Variants in EXOC2 observed in about 807,000 individuals in gnomAD.
EXOC2 encodes the protein SEC5-like 1.
In EXOC2, 70 loss-of-function variants were observed where a neutral mutation model predicts 131.8. That is an observed-to-expected ratio of 0.53 (90% confidence interval 0.44 to 0.65). EXOC2 has a LOEUF of 0.65. Ranked by LOEUF, EXOC2 falls within the 30% of genes least tolerant of loss-of-function variation. The probability of loss-of-function intolerance (pLI) is 0.00; values close to 1 mark genes in which losing one functional copy is unlikely to be tolerated. For missense variants in EXOC2, 923 were observed against 1,108.6 expected (o/e 0.83, Z 2.38); for synonymous variants, 411 against 398.4 (o/e 1.03, Z -0.38).
intron 1 of EXOC2, among the ~76,000 whole-genome samples, chr6:675,595 C>T (rs575305287): frequency 1.4e-4 from 3 of 21,552 alleles, no homozygotes; most frequent in Admixed American, 1.4e-3. Flanking sequence ...CCTCCTCTGG[C>T]AACTGCGGTT....
chr6:656,166 A>G (rs1207234849), intron 1 of EXOC2: 4 of 1,614,144 alleles, frequency 2.5e-6, no homozygotes, highest in Non-Finnish European at 3.4e-6. Context: ...AACAAGCTGA[A>G]GAAGAGTATT....
chr6:535,237 G>A (rs2493038), intron 22 of EXOC2, among the ~76,000 whole-genome samples: 145,426 of 152,232 alleles, frequency 0.96, 69,534 homozygotes, highest in East Asian at 1. Flanking sequence ...ATGGTGGTGC[G>A]CATCTGTGGT....
chr6:585,010 C>T (rs780181457), intron 11 of EXOC2, among the ~76,000 whole-genome samples: 5 of 152,290 alleles, frequency 3.3e-5, no homozygotes, highest in South Asian at 2.1e-4. Flanking sequence ...CCTCTGAAGA[C>T]GCAGTCTAAT....
chr6:660,025 G>A (rs904601597), intron 1 of EXOC2, among the ~76,000 whole-genome samples: 1 of 151,956 alleles, frequency 6.6e-6, no homozygotes, highest in East Asian at 1.9e-4. Context: ...CACGGTGGTT[G>A]TGAGACTGGC....
chr6:587,418 G>C (rs1031894095), intron 11 of EXOC2, among the ~76,000 whole-genome samples: 3 of 152,096 alleles, frequency 2.0e-5, no homozygotes, highest in East Asian at 3.9e-4. Flanking sequence ...CTAATTTTTT[G>C]TATTTTTAGT....
intron 1 of EXOC2, among the ~76,000 whole-genome samples, chr6:666,135 A>G (rs1300268448): frequency 6.6e-6 from 1 of 150,530 alleles, no homozygotes; most frequent in Admixed American, 6.6e-5. Context: ...GCCCTTCACA[A>G]AAAGAGTGTG....
chr6:570,759 A>C (rs1758234222), intron 13 of EXOC2, among the ~76,000 whole-genome samples: 1 of 152,226 alleles, frequency 6.6e-6, no homozygotes, highest in Non-Finnish European at 1.5e-5. Flanking sequence ...AGTGATAGAC[A>C]CTGGATGTTT....
chr6:535,014 G>T (rs1319216306), intron 22 of EXOC2, among the ~76,000 whole-genome samples: 2 of 152,108 alleles, frequency 1.3e-5, no homozygotes, highest in African/African-American at 4.8e-5. Context: ...AGCTGAAAAT[G>T]TTTTAAAAGA....
intron 25 of EXOC2, among the ~76,000 whole-genome samples, chr6:496,805 G>A (rs868008082): frequency 2.8e-4 from 42 of 152,186 alleles, no homozygotes; most frequent in African/African-American, 9.7e-4. Context: ...ATGGCTGGAC[G>A]AAGGGCACTG....
chr6:502,319 G>A (rs1415385190), intron 23 of EXOC2, among the ~76,000 whole-genome samples: 1 of 152,192 alleles, frequency 6.6e-6, no homozygotes, highest in Non-Finnish European at 1.5e-5. Context: ...GTGCTACGGT[G>A]CAAGGATGAC....
chr6:518,615 G>T (rs1262010552), intron 23 of EXOC2, among the ~76,000 whole-genome samples: 1 of 152,100 alleles, frequency 6.6e-6, no homozygotes, highest in Non-Finnish European at 1.5e-5. Flanking sequence ...AAAAATGCTT[G>T]GCAGACAAAG....
At chr6:524,861 T>A (rs1765656996) in intron 23 of EXOC2, 1 of 144,038 alleles carries the variant, frequency 6.9e-6, no homozygotes, top group African/African-American at 2.6e-5. Flanking sequence ...TTCTTTTTAT[T>A]CCTTCCTTTA....
chr6:594,769 A>C lies in EXOC2; in HGVS notation c.1074-2182T>G, dbSNP rs185375523. ...ATAAAGTTGTTCTTTTAGAAATTCTAGACTCAGTTCAAAAGCATGACAACT... is the reference window on the plus strand; with the variant it reads ...ATAAAGTTGTTCTTTTAGAAATTCTCGACTCAGTTCAAAAGCATGACAACT... On this transcript the variant is annotated intron_variant, in intron 10 of 27. Coordinates refer to ENST00000230449, the MANE Select transcript of EXOC2 (RefSeq NM_018303.6). Among the ~76,000 whole-genome samples, 55 of 152,364 alleles carry C rather than the reference A, an allele frequency of 3.6e-4. No homozygotes were observed. The East Asian group carries it at 8.7e-3, about 24-fold the overall frequency.
chr6:561,296 T>C (rs1278914981), intron 17 of EXOC2, among the ~76,000 whole-genome samples: 2 of 152,130 alleles, frequency 1.3e-5, no homozygotes, highest in African/African-American at 4.8e-5. Context: ...CCTCTGTGAA[T>C]TCCACCAATG....
chr6:672,074 T>G (rs1485210259), intron 1 of EXOC2, among the ~76,000 whole-genome samples: 2 of 152,176 alleles, frequency 1.3e-5, no homozygotes, highest in African/African-American at 2.4e-5. Flanking sequence ...ATACATACAT[T>G]ATACTTTGTG....
intron 1 of EXOC2, among the ~76,000 whole-genome samples, chr6:675,226 C>T (rs910963877): frequency 5.9e-5 from 9 of 152,186 alleles, no homozygotes; most frequent in African/African-American, 2.2e-4. Context: ...CCTTTCTGAG[C>T]CACTGTGACT....
At chr6:514,977 G>A (rs1765062911) in intron 23 of EXOC2, among the ~76,000 whole-genome samples, 8 of 152,220 alleles carry the variant, frequency 5.3e-5, no homozygotes, top group Admixed American at 5.2e-4. Context: ...AGGCACTGGT[G>A]GCTTCGCTCT....
intron 4 of EXOC2, among the ~76,000 whole-genome samples, chr6:620,701 C>T (rs532936827): frequency 1.3e-5 from 2 of 152,302 alleles, no homozygotes; most frequent in South Asian, 4.1e-4. Flanking sequence ...CAGCTTAGTT[C>T]GTGATCCACA....
intron 11 of EXOC2, among the ~76,000 whole-genome samples, chr6:583,243 T>C (rs755862841): frequency 6.6e-6 from 1 of 152,206 alleles, no homozygotes; most frequent in Non-Finnish European, 1.5e-5. Context: ...AAGTTAGCAT[T>C]CAATGTGTGT....
Sources: allele counts gnomAD v4.1 joint callset (sites outside exome capture counted in the v4.1 genomes callset), GRCh38; gene constraint gnomAD v4.1.1; transcripts MANE v1.5; gene names NCBI Gene and HGNC (gene_info 2026-07-23, HGNC 2026-07-21).